The following KCND2 variants were observed in gnomAD, a reference collection of about 807,000 sequenced individuals.
The protein encoded by KCND2 is A-type voltage-gated potassium channel KCND2.
Under a neutral mutation model 54.4 loss-of-function variants are expected in KCND2, and 16 were observed. The observed-to-expected ratio is 0.29, with a 90% CI of 0.20 to 0.45. The LOEUF (loss-of-function observed/expected upper bound fraction) is 0.45. Ranked by LOEUF, KCND2 falls within the 20% of genes least tolerant of loss-of-function variation. The probability of loss-of-function intolerance (pLI) is 1.00; values close to 1 mark genes in which losing one functional copy is unlikely to be tolerated. For missense variants in KCND2, 486 were observed against 824.2 expected (o/e 0.59, Z 5.02); for synonymous variants, 317 against 310.7 (o/e 1.02, Z -0.21).
intron 1 of KCND2, among the ~76,000 whole-genome samples, chr7:120,710,970 A>G (rs1456140705): frequency 2.6e-5 from 4 of 152,064 alleles, no homozygotes; most frequent in African/African-American, 9.7e-5. Flanking sequence ...TTGATTATAC[A>G]TTTTTATTCT....
intron 1 of KCND2, among the ~76,000 whole-genome samples, chr7:120,397,987 GTGTGTGTGTATATATATATATATA>G (rs1801180669): frequency 8.5e-5 from 3 of 35,302 alleles, no homozygotes; most frequent in Non-Finnish European, 2.8e-4. Context: ...GTGTGTGTGT[GTGTGTGTGTATATATATATATATA>G]TATATATATA....
At chr7:120,655,559 G>T (rs1383262311) in intron 1 of KCND2, among the ~76,000 whole-genome samples, 1 of 152,024 alleles carries the variant, frequency 6.6e-6, no homozygotes, top group Non-Finnish European at 1.5e-5. Flanking sequence ...GGGGAATATA[G>T]TAATAGCAAA....
chr7:120,548,129 T>C (rs1014408518), intron 1 of KCND2, among the ~76,000 whole-genome samples: 10 of 152,102 alleles, frequency 6.6e-5, no homozygotes, highest in African/African-American at 2.4e-4. Context: ...GAGAATTGCC[T>C]GAAGGAAGTG....
chr7:120,730,082 T>C (rs1792785971), intron 1 of KCND2, among the ~76,000 whole-genome samples: 1 of 152,208 alleles, frequency 6.6e-6, no homozygotes, highest in Admixed American at 6.5e-5. Flanking sequence ...AGAGAAACTA[T>C]ATGATGGATT....
chr7:120,629,441 G>A (rs1459082239), intron 1 of KCND2, among the ~76,000 whole-genome samples: 5 of 152,162 alleles, frequency 3.3e-5, no homozygotes, highest in African/African-American at 1.2e-4. Context: ...AGCCGAGATG[G>A]TGCCACTGCA....
chr7:120,743,905 T>C (rs1459588740), intron 4 of KCND2, among the ~76,000 whole-genome samples: 1 of 152,224 alleles, frequency 6.6e-6, no homozygotes, highest in Non-Finnish European at 1.5e-5. Context: ...CATTTTTAAA[T>C]AAAGATATGG....
Position 120,704,957 on chromosome 7 carries a change from C to G in KCND2, c.1116-27946C>G, listed in dbSNP as rs150043336. ...ATATAAAGAGTAAATCTTAAATGAA[C>G]GTGTAGAATAAAAAGTAAACCCTTT... On this transcript the variant is annotated intron_variant, in intron 1 of 5. Transcript: ENST00000331113. Among the ~76,000 whole-genome samples, 521 of 152,076 alleles carry G rather than the reference C, an allele frequency of 3.4e-3. 2 individuals are homozygous for G. Among genetic ancestry groups the G allele is most frequent in the African/African-American group, 0.011 (476 of 41,460 alleles).
chr7:120,393,358 T>A (rs1801105841), intron 1 of KCND2, among the ~76,000 whole-genome samples: 1 of 152,020 alleles, frequency 6.6e-6, no homozygotes, highest in Admixed American at 6.6e-5. Flanking sequence ...TTTCTAATAA[T>A]CCATGGAAAA....
chr7:120,638,576 C>A (rs574703250), intron 1 of KCND2, among the ~76,000 whole-genome samples: 1 of 152,104 alleles, frequency 6.6e-6, no homozygotes, highest in South Asian at 2.1e-4. Flanking sequence ...AAAATAGTGT[C>A]TTGGAAAAAA....
At chr7:120,362,588 C>T (rs1800607633) in intron 1 of KCND2, among the ~76,000 whole-genome samples, 1 of 152,050 alleles carries the variant, frequency 6.6e-6, no homozygotes, top group African/African-American at 2.4e-5. Context: ...AGGCAGCATG[C>T]TCTAACAGCT....
intron 1 of KCND2, among the ~76,000 whole-genome samples, chr7:120,394,715 C>A (rs1801128507): frequency 6.6e-6 from 1 of 151,888 alleles, no homozygotes; most frequent in Non-Finnish European, 1.5e-5. Context: ...CAGGAATAAG[C>A]AAGGGAGAGT....
intron 1 of KCND2, among the ~76,000 whole-genome samples, chr7:120,513,565 A>T (rs951218040): frequency 1.3e-5 from 2 of 152,100 alleles, no homozygotes; most frequent in Non-Finnish European, 2.9e-5. Context: ...CTTGGAACTG[A>T]CTAGTTGTTT....
intron 1 of KCND2, among the ~76,000 whole-genome samples, chr7:120,511,778 A>C (rs780677932): frequency 1.3e-5 from 2 of 152,142 alleles, no homozygotes; most frequent in Non-Finnish European, 2.9e-5. Flanking sequence ...AGGAGAAAAC[A>C]CTTAGAAGAT....
At chr7:120,574,640 C>T (rs1206639159) in intron 1 of KCND2, among the ~76,000 whole-genome samples, 2 of 152,132 alleles carry the variant, frequency 1.3e-5, no homozygotes, top group Non-Finnish European at 2.9e-5. Context: ...ATCTTACTCT[C>T]AGGGATTGTT....
chr7:120,657,363 C>A (rs973940039), intron 1 of KCND2, among the ~76,000 whole-genome samples: 51 of 152,154 alleles, frequency 3.4e-4, no homozygotes, highest in Middle Eastern at 6.8e-3. Context: ...ATATCTATAT[C>A]TATATAGATA....
At chr7:120,717,077 T>C (rs1792612478) in intron 1 of KCND2, among the ~76,000 whole-genome samples, 1 of 152,172 alleles carries the variant, frequency 6.6e-6, no homozygotes, top group African/African-American at 2.4e-5. Flanking sequence ...CTCATTATAC[T>C]CTACTCTTCT....
chr7:120,662,419 C>T (rs1366547008), intron 1 of KCND2, among the ~76,000 whole-genome samples: 1 of 152,118 alleles, frequency 6.6e-6, no homozygotes, highest in Non-Finnish European at 1.5e-5. Flanking sequence ...TAAGTCATAT[C>T]TTATCCCAGC....
At chr7:120,398,025 ATATATATATATATT>A (rs1389316794) in intron 1 of KCND2, among the ~76,000 whole-genome samples, 5 of 113,360 alleles carry the variant, frequency 4.4e-5, no homozygotes, top group African/African-American at 1.5e-4. Flanking sequence ...ATATATATAT[ATATATATATATATT>A]TGCTCTTTTT....
At chr7:120,499,092 C>G (rs554113168) in intron 1 of KCND2, among the ~76,000 whole-genome samples, 10 of 152,104 alleles carry the variant, frequency 6.6e-5, no homozygotes, top group Middle Eastern at 3.4e-3. Flanking sequence ...ATGCATGATT[C>G]TTGTATTATA....
Sources: gnomAD v4.1 joint callset for allele counts (sites outside exome capture counted in the v4.1 genomes callset) on GRCh38, gnomAD v4.1.1 for gene constraint, MANE v1.5 for transcripts, NCBI Gene and HGNC (gene_info 2026-07-23, HGNC 2026-07-21) for gene names.